Variants in SLIT2 observed in about 807,000 individuals in gnomAD.
SLIT2 encodes the protein slit homolog 2 protein.
A neutral mutation model predicts 185.7 loss-of-function variants in SLIT2; 41 were observed. The ratio of observed to expected loss-of-function variants is 0.22; its 90% confidence interval spans 0.17 to 0.29. The LOEUF is 0.29. Among genes scored for constraint, SLIT2 ranks in the 10% least tolerant of loss-of-function variants. SLIT2 has a pLI of 1.00. For missense variants in SLIT2, 1,571 were observed against 1,909.0 expected, an observed-to-expected ratio of 0.82 and a Z score of 3.30; for synonymous variants, 693 against 680.2, an observed-to-expected ratio of 1.02 and a Z score of -0.29.
At chr4:20,610,419 T>C (rs1273415045) in intron 34 of SLIT2, among the ~76,000 whole-genome samples, 6 of 152,224 alleles carry the variant, frequency 3.9e-5, no homozygotes, top group African/African-American at 1.4e-4. Flanking sequence ...ATATTTCTTT[T>C]GTGTCAATCA....
At chr4:20,402,257 C>T (rs568661132) in intron 4 of SLIT2, among the ~76,000 whole-genome samples, 1 of 152,014 alleles carries the variant, frequency 6.6e-6, no homozygotes, top group South Asian at 2.1e-4. Flanking sequence ...CTTCCCCCAA[C>T]ACTATTTTTC....
intron 29 of SLIT2, among the ~76,000 whole-genome samples, chr4:20,584,485 G>A (rs1353524089): frequency 3.3e-5 from 5 of 152,200 alleles, no homozygotes; most frequent in Admixed American, 6.5e-5. Context: ...TGACAATTAC[G>A]TTGGGACAAC....
Position 20,463,513 on chromosome 4 carries a change from A to ATGTGTGTGTG in SLIT2, c.396-4238_396-4237insGTGTGTGTGT, listed in dbSNP as rs202173983. ...TATATGTGTGTGTGCGTATATCCAT[A>ATGTGTGTGTG]TATGTGTGTGTGTGTGTGTGTGTGT... On this transcript the variant is annotated intron_variant, in intron 4 of 36. Coordinates refer to ENST00000504154, the MANE Select transcript of SLIT2 (RefSeq NM_004787.4). Among the ~76,000 whole-genome samples the ATGTGTGTGTG allele has an allele frequency of 4.4e-3, 443 of 99,566 alleles. 5 individuals are homozygous for ATGTGTGTGTG. Among genetic ancestry groups the ATGTGTGTGTG allele is most frequent in the African/African-American group, 0.014 (381 of 27,330 alleles). 65.3% of individuals were successfully genotyped at this position (99,566 alleles called of 152,430 possible).
In SLIT2 at chr4:20,337,069, G is replaced by A. The variant is rs77451819; in HGVS notation, c.395+68188G>A. On this transcript the variant is annotated intron_variant, in intron 4 of 36. Transcript: ENST00000504154. ...ATTAGAATTCTTTTAGTAAACTACT[G>A]CAATAGGAAGTAGTTACATATTTTT... is the stretch of plus-strand genomic sequence containing the variant. 2.3e-4 allele frequency among the ~76,000 whole-genome samples: 35 copies of A among 152,252 alleles called. No homozygotes were observed. The East Asian group carries it at 4.1e-3, about 18-fold the overall frequency.
At position 20,524,168 on chromosome 4, in the gene SLIT2, C is replaced by G; in HGVS notation, c.1429C>G (p.Arg477Gly). ...RIGQIKSKKFRCSAKEQYFIP... is the reference protein window; with the variant it reads ...RIGQIKSKKFGCSAKEQYFIP... Reference sequence around the variant, plus strand: ...TGGACAGATCAAAAGCAAGAAATTCCGTTGTTCAGGTAATTTCTTCACGTG... The same window carrying G: ...TGGACAGATCAAAAGCAAGAAATTCGGTTGTTCAGGTAATTTCTTCACGTG... The change falls in exon 14 of 37, where the codon CGT becomes GGT. Residue 477 changes from arginine (R) to glycine (G), a missense_variant. Transcript: ENST00000504154. 1 of 1,613,980 alleles carries G rather than the reference C, an allele frequency of 6.2e-7. No individual in the cohort carries two copies. Among genetic ancestry groups the G allele is most frequent in the Non-Finnish European group, 8.5e-7 (1 of 1,179,946 alleles).
chr4:20,604,814 T>A (rs1231020413), intron 33 of SLIT2, among the ~76,000 whole-genome samples: 1 of 151,322 alleles, frequency 6.6e-6, no homozygotes, highest in Non-Finnish European at 1.5e-5. Flanking sequence ...TTCCAAAGCG[T>A]GGAATATGTC....
chr4:20,578,686 A>G (rs1265607755), intron 29 of SLIT2, among the ~76,000 whole-genome samples: 12 of 152,190 alleles, frequency 7.9e-5, no homozygotes, highest in Non-Finnish European at 2.9e-5. Context: ...CAACAGTAGC[A>G]AGAGTTACGT....
chr4:20,610,701 C>CTGAA (rs761840334), intron 34 of SLIT2, among the ~76,000 whole-genome samples: 26 of 151,992 alleles, frequency 1.7e-4, no homozygotes, highest in South Asian at 4.1e-4. Flanking sequence ...CAATGACTGA[C>CTGAA]TGAATGAATG....
At chr4:20,282,127 A>G (rs1193088815) in intron 4 of SLIT2, among the ~76,000 whole-genome samples, 1 of 152,220 alleles carries the variant, frequency 6.6e-6, no homozygotes, top group East Asian at 1.9e-4. Flanking sequence ...TGAACTATAA[A>G]TATAATTGAT....
chr4:20,533,502 A>G (rs954146407), intron 17 of SLIT2, 70 bp from the exon 18 acceptor site: 3 of 1,210,510 alleles, frequency 2.5e-6, no homozygotes, highest in East Asian at 2.4e-5. Context: ...GAAGAAAATT[A>G]TCAACTATGT....
intron 4 of SLIT2, among the ~76,000 whole-genome samples, chr4:20,467,218 A>T (rs953907636): frequency 4.6e-5 from 7 of 152,154 alleles, no homozygotes; most frequent in Admixed American, 3.3e-4. Flanking sequence ...TGTTCGTTTT[A>T]TTGTTGGGCC....
At chr4:20,472,245 T>TAG (rs1491092694) in intron 5 of SLIT2, among the ~76,000 whole-genome samples, 1 of 51,726 alleles carries the variant, frequency 1.9e-5, no homozygotes, top group East Asian at 8.1e-4. Flanking sequence ...GATCTATATA[T>TAG]CTATATATAG....
intron 4 of SLIT2, among the ~76,000 whole-genome samples, chr4:20,366,135 TA>T: frequency 6.6e-6 from 1 of 152,244 alleles, no homozygotes; most frequent in South Asian, 2.1e-4. Context: ...TTGTCATTCT[TA>T]ATCTCATCCA....
intron 4 of SLIT2, among the ~76,000 whole-genome samples, chr4:20,368,283 A>G (rs1723295945): frequency 1.3e-5 from 2 of 151,234 alleles, no homozygotes; most frequent in Admixed American, 1.3e-4. Context: ...GAGAATTTCT[A>G]ACACAGTCAT....
At chr4:20,553,625 A>G (rs1723972199) in intron 25 of SLIT2, among the ~76,000 whole-genome samples, 180 bp from the exon 26 acceptor site, 1 of 152,192 alleles carries the variant, frequency 6.6e-6, no homozygotes. Flanking sequence ...GGGAATCCCC[A>G]GTGTCTCTAT....
chr4:20,552,527 C>A (rs1472773636), intron 25 of SLIT2: 1 of 151,982 alleles, frequency 6.6e-6, no homozygotes, highest in Non-Finnish European at 1.5e-5. Flanking sequence ...CCACTTCCTC[C>A]CCTGTCACAT....
chr4:20,325,421 T>TGGGGGTG (rs1267390520), intron 4 of SLIT2, among the ~76,000 whole-genome samples: 1 of 23,634 alleles, frequency 4.2e-5, no homozygotes, highest in African/African-American at 1.7e-4. Flanking sequence ...AGGGTGGGGG[T>TGGGGGTG]GGGGGGTGGG....
intron 5 of SLIT2, among the ~76,000 whole-genome samples, chr4:20,470,906 G>A (rs369888269): frequency 2.0e-5 from 3 of 152,054 alleles, no homozygotes; most frequent in East Asian, 3.9e-4. Flanking sequence ...TTGAATAGCC[G>A]CAGTGGTAAG....
intron 29 of SLIT2, among the ~76,000 whole-genome samples, chr4:20,574,570 T>G (rs957736322): frequency 1.2e-4 from 19 of 152,104 alleles, no homozygotes; most frequent in African/African-American, 7.2e-5. Context: ...GTGGATCCTT[T>G]GAGCCCAGGA....
Sources: allele counts gnomAD v4.1 joint callset (sites outside exome capture counted in the v4.1 genomes callset), GRCh38; gene constraint gnomAD v4.1.1; transcripts MANE v1.5; gene names NCBI Gene and HGNC (gene_info 2026-07-23, HGNC 2026-07-21).